The following NFU1 variants were observed in gnomAD, a reference collection of about 807,000 sequenced individuals.
The protein encoded by NFU1 is NFU1 iron-sulfur cluster scaffold homolog, mitochondrial.
NFU1 carries 30 observed loss-of-function variants against 32.2 expected under a neutral mutation model. The observed-to-expected ratio is 0.93, with a 90% CI of 0.70 to 1.26. The LOEUF is 1.26. Ranked by LOEUF, NFU1 falls within the 50% of genes most tolerant of loss-of-function variation. The pLI is 0.00. For synonymous variants in NFU1, 112 were observed against 104.6 expected (o/e 1.07, Z -0.43); for missense variants, 306 against 306.6 (o/e 1.00, Z 0.02).
chr2:69,414,602 AGT>A (rs1344762869), intron 5 of NFU1, among the ~76,000 whole-genome samples: 4 of 137,000 alleles, frequency 2.9e-5, no homozygotes, highest in Non-Finnish European at 6.2e-5. Context: ...GGGGTGACAG[AGT>A]GAGAGTCTGT....
chr2:69,399,706 AT>A (rs1672453203), intron 7 of NFU1, among the ~76,000 whole-genome samples: 1 of 151,868 alleles, frequency 6.6e-6, no homozygotes, highest in Non-Finnish European at 1.5e-5. Flanking sequence ...ACTGTGTTAC[AT>A]TTTAAACCTT....
chr2:69,406,214 G>T, intron 5 of NFU1, 132 bp from the exon 6 acceptor site: 1 of 618,796 alleles, frequency 1.6e-6, no homozygotes, highest in East Asian at 2.8e-5. Flanking sequence ...CATGTAACTT[G>T]GTATGGAGAT....
intron 4 of NFU1, 87 bp downstream of exon 4, chr2:69,419,451 A>G: frequency 1.4e-6 from 1 of 707,986 alleles, no homozygotes. Context: ...AAGAACAGAA[A>G]GAATGGAAAT....
At chr2:69,416,569 C>A (rs539690598) in intron 4 of NFU1, among the ~76,000 whole-genome samples, 24 of 151,634 alleles carry the variant, frequency 1.6e-4, no homozygotes, top group Non-Finnish European at 2.5e-4. Flanking sequence ...TACAACTATT[C>A]AAAAAATTTA....
intron 4 of NFU1, chr2:69,416,266 A>G (rs966164660): frequency 5.4e-5 from 8 of 148,984 alleles, no homozygotes; most frequent in African/African-American, 1.7e-4. Context: ...AAGATCCCCC[A>G]TTCATTAATT....
intron 3 of NFU1, among the ~76,000 whole-genome samples, chr2:69,423,207 G>GT (rs1673311262): frequency 1.0e-5 from 1 of 97,936 alleles, no homozygotes; most frequent in South Asian, 3.7e-4. Flanking sequence ...GTGTGTGTGT[G>GT]TGGGGGGGGG....
At chr2:69,411,969 A>G (rs574466184) in intron 5 of NFU1, among the ~76,000 whole-genome samples, 45 of 152,252 alleles carry the variant, frequency 3.0e-4, no homozygotes, top group East Asian at 1.3e-3. Context: ...TCATGCTTAT[A>G]ATCTCAGTAC....
chr2:69,396,376 C>G, intron 7 of NFU1, 86 bp from the exon 8 acceptor site: 1 of 899,508 alleles, frequency 1.1e-6, no homozygotes, highest in Admixed American at 1.9e-5. Flanking sequence ...ACTTCTTTAC[C>G]TGATACACTC....
intron 7 of NFU1, 89 bp downstream of exon 7, chr2:69,400,275 C>T: frequency 8.3e-7 from 1 of 1,200,124 alleles, no homozygotes; most frequent in Non-Finnish European, 1.2e-6. Context: ...TTTTCAAATA[C>T]TTGCCTTAAC....
chr2:69,421,226 A>C (rs1262443552), intron 3 of NFU1, among the ~76,000 whole-genome samples: 1 of 152,138 alleles, frequency 6.6e-6, no homozygotes, highest in Non-Finnish European at 1.5e-5. Context: ...AAAATAAATA[A>C]AAAGTTAAAA....
intron 1 of NFU1, 100 bp from the exon 2 acceptor site, chr2:69,432,105 A>G (rs1673658683): frequency 4.0e-6 from 3 of 743,492 alleles, no homozygotes; most frequent in Middle Eastern, 3.2e-4. Context: ...GTAAAATTTA[A>G]ACATAACCCG....
chr2:69,433,760 C>T (rs780256816), intron 1 of NFU1, among the ~76,000 whole-genome samples: 1 of 151,914 alleles, frequency 6.6e-6, no homozygotes, highest in Non-Finnish European at 1.5e-5. Flanking sequence ...ACACAGCCAA[C>T]GATCTTGATC....
At chr2:69,437,510 G>A (rs1274233854), upstream of NFU1, 1 of 1,493,816 alleles carries the variant, frequency 6.7e-7, no homozygotes, top group Non-Finnish European at 9.1e-7. Context: ...GCGGGCACTG[G>A]GAAGAGCCCA....
At chr2:69,407,570 G>T (rs182303382) in intron 5 of NFU1, among the ~76,000 whole-genome samples, 3 of 150,746 alleles carry the variant, frequency 2.0e-5, no homozygotes, top group African/African-American at 7.3e-5. Context: ...CCAGCTACTC[G>T]GTAGGCTGAC....
intron 1 of NFU1, among the ~76,000 whole-genome samples, chr2:69,434,638 C>A (rs1212741392): frequency 6.6e-6 from 1 of 152,192 alleles, no homozygotes; most frequent in Non-Finnish European, 1.5e-5. Flanking sequence ...TCATCGCTAT[C>A]CATTACCACT....
At chr2:69,425,083 T>A (rs1673407926) in intron 2 of NFU1, among the ~76,000 whole-genome samples, 3 of 151,940 alleles carry the variant, frequency 2.0e-5, no homozygotes, top group Non-Finnish European at 2.9e-5. Flanking sequence ...TTTCACTGTG[T>A]TACCCAGGAT....
chr2:69,420,673 T>C (rs1172213656), intron 3 of NFU1, among the ~76,000 whole-genome samples: 1 of 152,204 alleles, frequency 6.6e-6, no homozygotes, highest in East Asian at 1.9e-4. Flanking sequence ...TGCACGTATC[T>C]TGGGCACATG....
intron 3 of NFU1, among the ~76,000 whole-genome samples, chr2:69,423,172 G>GTA (rs1673308516): frequency 2.0e-5 from 2 of 97,570 alleles, no homozygotes; most frequent in African/African-American, 8.2e-5. Context: ...GTGTGTATGT[G>GTA]TGTGTGTGTG....
chr2:69,436,080 A>G (rs906469505), intron 1 of NFU1, among the ~76,000 whole-genome samples: 13 of 152,118 alleles, frequency 8.5e-5, no homozygotes, highest in African/African-American at 3.1e-4. Flanking sequence ...TACAGCACTC[A>G]TGACTGTCAT....
Sources: allele counts gnomAD v4.1 joint callset (sites outside exome capture counted in the v4.1 genomes callset), GRCh38; gene constraint gnomAD v4.1.1; transcripts MANE v1.5; gene names NCBI Gene and HGNC (gene_info 2026-07-23, HGNC 2026-07-21).